Variants in SH3BGRL2 observed in about 807,000 individuals in gnomAD.
SH3BGRL2 encodes SH3 domain-binding glutamic acid-rich-like protein 2.
SH3BGRL2 carries 21 observed loss-of-function variants against 14.8 expected under a neutral mutation model. The observed-to-expected ratio is 1.42, with a 90% CI of 1.01 to 2.05. The LOEUF (loss-of-function observed/expected upper bound fraction) is 2.05, where lower values mean the gene tolerates loss of function less well. Ranked by LOEUF, SH3BGRL2 falls within the 30% of genes most tolerant of loss-of-function variation. The probability of loss-of-function intolerance (pLI) is 0.00; values close to 1 mark genes in which losing one functional copy is unlikely to be tolerated. For synonymous variants in SH3BGRL2, 50 were observed against 47.8 expected, an observed-to-expected ratio of 1.05 and a Z score of -0.19; for missense variants, 147 against 130.8, an observed-to-expected ratio of 1.12 and a Z score of -0.61.
At chr6:79,568,032 C>T in the SH3BGRL2 span, among the ~76,000 whole-genome samples, 5 of 152,116 alleles carry the variant, frequency 3.3e-5, no homozygotes, top group Non-Finnish European at 5.9e-5. Context: ...TCATTTTGTA[C>T]CCAAAACATT....
At chr6:79,691,081 G>A (rs1770204025) in intron 2 of SH3BGRL2, among the ~76,000 whole-genome samples, 1 of 152,076 alleles carries the variant, frequency 6.6e-6, no homozygotes, top group Non-Finnish European at 1.5e-5. Flanking sequence ...CCTGAGCCCA[G>A]GAGGTAGAGG....
chr6:79,617,072 C>T, the SH3BGRL2 span, among the ~76,000 whole-genome samples: 1 of 151,976 alleles, frequency 6.6e-6, no homozygotes, highest in East Asian at 1.9e-4. Context: ...GTAATCCCAG[C>T]TACCCAGGAG....
At chr6:79,605,814 A>G in the SH3BGRL2 span, among the ~76,000 whole-genome samples, 1 of 152,214 alleles carries the variant, frequency 6.6e-6, no homozygotes, top group Non-Finnish European at 1.5e-5. Context: ...TGCTGAGTAT[A>G]TCAGGAAACA....
chr6:79,591,553 G>A, the SH3BGRL2 span, among the ~76,000 whole-genome samples: 1 of 152,104 alleles, frequency 6.6e-6, no homozygotes, highest in Non-Finnish European at 1.5e-5. Context: ...GACTGCAGGT[G>A]TGCGCCACTA....
At chr6:79,665,408 G>A (rs1231783094) in intron 1 of SH3BGRL2, among the ~76,000 whole-genome samples, 1 of 152,088 alleles carries the variant, frequency 6.6e-6, no homozygotes, top group East Asian at 1.9e-4. Flanking sequence ...TTGTTATTAT[G>A]GCAACTATAT....
the SH3BGRL2 span, among the ~76,000 whole-genome samples, chr6:79,575,837 A>G: frequency 6.6e-6 from 1 of 151,844 alleles, no homozygotes; most frequent in African/African-American, 2.4e-5. Context: ...GAGTCAGTCT[A>G]TTTTCATTGG....
chr6:79,622,749 T>C, the SH3BGRL2 span, among the ~76,000 whole-genome samples: 10 of 152,218 alleles, frequency 6.6e-5, no homozygotes, highest in Non-Finnish European at 1.5e-4. Flanking sequence ...TTTTTAGGAA[T>C]TACCAGGACA....
intron 1 of SH3BGRL2, among the ~76,000 whole-genome samples, chr6:79,663,314 C>G (rs1769591474): frequency 1.3e-5 from 2 of 152,108 alleles, no homozygotes; most frequent in African/African-American, 4.8e-5. Flanking sequence ...TGTTGGTGAC[C>G]TACAAATGGT....
chr6:79,607,615 C>T, the SH3BGRL2 span, among the ~76,000 whole-genome samples: 4 of 152,084 alleles, frequency 2.6e-5, no homozygotes, highest in African/African-American at 4.8e-5. Context: ...TTAGTCTGTT[C>T]TCGTGTTGCT....
chr6:79,560,903 A>G, the SH3BGRL2 span, among the ~76,000 whole-genome samples: 1 of 76,798 alleles, frequency 1.3e-5, no homozygotes, highest in Non-Finnish European at 2.4e-5. Context: ...TTTTTGAGAC[A>G]GAGTTTTGCT....
chr6:79,550,792 A>G, the SH3BGRL2 span, among the ~76,000 whole-genome samples: 1 of 151,970 alleles, frequency 6.6e-6, no homozygotes, highest in East Asian at 1.9e-4. Context: ...TCCCCAGCAA[A>G]CCTGTCTCAC....
the SH3BGRL2 span, among the ~76,000 whole-genome samples, chr6:79,543,520 T>C: frequency 1.3e-5 from 2 of 152,210 alleles, no homozygotes; most frequent in Non-Finnish European, 2.9e-5. Context: ...TGCCTCTTAC[T>C]AGTTGTGAAA....
chr6:79,575,815 T>A, the SH3BGRL2 span, among the ~76,000 whole-genome samples: 1 of 152,104 alleles, frequency 6.6e-6, no homozygotes, highest in African/African-American at 2.4e-5. Flanking sequence ...TCAAATTGAG[T>A]CTTTAACTGG....
the SH3BGRL2 span, among the ~76,000 whole-genome samples, chr6:79,549,293 G>A: frequency 2.0e-5 from 3 of 152,126 alleles, no homozygotes; most frequent in South Asian, 2.1e-4. Flanking sequence ...ATAGGTAAGA[G>A]GAATCTTTTT....
intron 1 of SH3BGRL2, among the ~76,000 whole-genome samples, chr6:79,665,141 A>G (rs925605083): frequency 6.6e-6 from 1 of 152,230 alleles, no homozygotes; most frequent in Admixed American, 6.5e-5. Flanking sequence ...AGGAGTTTGC[A>G]GTGAGCTGAG....
intron 1 of SH3BGRL2, among the ~76,000 whole-genome samples, chr6:79,649,985 T>TCTCTCTCTCTCTCACACACA (rs765159303): frequency 7.0e-6 from 1 of 141,980 alleles, no homozygotes; most frequent in Admixed American, 7.1e-5. Context: ...TCTCTCTCTC[T>TCTCTCTCTCTCTCACACACA]CACACACACA....
At chr6:79,663,991 C>CTAGGAGAT (rs1562151478) in intron 1 of SH3BGRL2, among the ~76,000 whole-genome samples, 2 of 152,246 alleles carry the variant, frequency 1.3e-5, no homozygotes, top group East Asian at 3.8e-4. Context: ...GGGAGAGAAT[C>CTAGGAGAT]TCCTAGTCTG....
At chr6:79,669,533 C>CA (rs1399134490) in intron 1 of SH3BGRL2, among the ~76,000 whole-genome samples, 1 of 148,322 alleles carries the variant, frequency 6.7e-6, no homozygotes, top group African/African-American at 2.5e-5. Context: ...CTGCTTACTG[C>CA]AACCAGGTTC....
chr6:79,584,318 A>C, the SH3BGRL2 span, among the ~76,000 whole-genome samples: 1 of 152,178 alleles, frequency 6.6e-6, no homozygotes, highest in East Asian at 1.9e-4. Context: ...TGCTTCATGT[A>C]CCGGTGAGCA....
Sources: allele counts gnomAD v4.1 joint callset (sites outside exome capture counted in the v4.1 genomes callset), GRCh38; gene constraint gnomAD v4.1.1; transcripts MANE v1.5; gene names NCBI Gene and HGNC (gene_info 2026-07-23, HGNC 2026-07-21).